KCNQ3: variants seen among roughly 807,000 people sequenced by gnomAD.
The protein encoded by KCNQ3 is potassium voltage-gated channel subfamily Q member 3.
In KCNQ3, 30 loss-of-function variants were observed where a neutral mutation model predicts 92.5. That is an observed-to-expected ratio of 0.32 (90% CI 0.24 to 0.44). The LOEUF is 0.44. Among genes scored for constraint, KCNQ3 ranks in the 20% least tolerant of loss-of-function variants. The probability of loss-of-function intolerance (pLI) is 1.00; values close to 1 mark genes in which losing one functional copy is unlikely to be tolerated. For missense variants in KCNQ3, 913 were observed against 1,140.3 expected (o/e 0.80, Z 2.87); for synonymous variants, 450 against 468.8 (o/e 0.96, Z 0.52).
At chr8:132,226,505 G>C (rs1814425421) in intron 1 of KCNQ3, among the ~76,000 whole-genome samples, 2 of 152,164 alleles carry the variant, frequency 1.3e-5, no homozygotes, top group South Asian at 4.1e-4. Flanking sequence ...AAATTGACAA[G>C]TAGCCAAGGT....
chr8:132,376,053 G>A (rs1160243933), intron 1 of KCNQ3, among the ~76,000 whole-genome samples: 2 of 152,104 alleles, frequency 1.3e-5, no homozygotes, highest in African/African-American at 4.8e-5. Flanking sequence ...GGCCCTCATG[G>A]AACATGCATG....
At chr8:132,189,485 G>A (rs971184835) in intron 1 of KCNQ3, among the ~76,000 whole-genome samples, 4 of 152,168 alleles carry the variant, frequency 2.6e-5, no homozygotes, top group Admixed American at 1.3e-4. Context: ...TGAGGTAGAA[G>A]TTGCAACCCT....
intron 1 of KCNQ3, among the ~76,000 whole-genome samples, chr8:132,216,079 T>C (rs1364453750): frequency 6.6e-6 from 1 of 152,136 alleles, no homozygotes; most frequent in Non-Finnish European, 1.5e-5. Flanking sequence ...CCTCTCATAA[T>C]ATATCAGGAG....
At chr8:132,173,598 C>T (rs1331792232) in intron 6 of KCNQ3, among the ~76,000 whole-genome samples, 1 of 152,076 alleles carries the variant, frequency 6.6e-6, no homozygotes, top group Non-Finnish European at 1.5e-5. Context: ...ATAAAAACAG[C>T]ACCCGACCCA....
At position 132,128,917 on chromosome 8, in the gene KCNQ3, G is replaced by C. The variant is rs993645446; in HGVS notation, c.*345C>G. Reference sequence around the variant, plus strand: ...GCTTACCAAACCAAAACCCAAACCAGCCAACCAAACAGACAAATAGCATGG... The same window carrying C: ...GCTTACCAAACCAAAACCCAAACCACCCAACCAAACAGACAAATAGCATGG... On this transcript the variant is annotated 3_prime_UTR_variant, in exon 15 of 15. Coordinates refer to ENST00000388996, the MANE Select transcript of KCNQ3 (RefSeq NM_004519.4). 2 of 261,600 alleles carry C rather than the reference G, an allele frequency of 7.6e-6. No individual in the cohort carries two copies. Among genetic ancestry groups the C allele is most frequent in the African/African-American group, 4.3e-5 (2 of 46,280 alleles). The allele number at this position is 261,600 out of a possible 1,614,324, so 16.2% of individuals were successfully genotyped here. A position where few individuals can be genotyped will look rare whatever the true frequency, so the allele number is the denominator to read the frequency against.
intron 1 of KCNQ3, among the ~76,000 whole-genome samples, chr8:132,478,362 T>C (rs1822461823): frequency 1.3e-5 from 2 of 151,906 alleles, no homozygotes; most frequent in African/African-American, 4.8e-5. Context: ...GACCCCCAGG[T>C]TTTTCAGTCA....
chr8:132,464,294 G>A (rs368936712), intron 1 of KCNQ3, among the ~76,000 whole-genome samples: 4 of 152,256 alleles, frequency 2.6e-5, no homozygotes, highest in African/African-American at 7.2e-5. Flanking sequence ...AAGGTTACTG[G>A]TTAAACAATG....
intron 1 of KCNQ3, among the ~76,000 whole-genome samples, chr8:132,240,546 A>G (rs1814962887): frequency 6.6e-6 from 1 of 152,162 alleles, no homozygotes; most frequent in Admixed American, 6.5e-5. Context: ...TCCCCTGTGT[A>G]GTTATCCTAG....
intron 1 of KCNQ3, among the ~76,000 whole-genome samples, chr8:132,439,905 A>G (rs1207877555): frequency 6.6e-6 from 1 of 152,182 alleles, no homozygotes; most frequent in Non-Finnish European, 1.5e-5. Flanking sequence ...AGAAGTAGGA[A>G]ACTACAGTCA....
intron 3 of KCNQ3, 146 bp downstream of exon 3, chr8:132,184,095 C>A: frequency 2.0e-6 from 2 of 987,684 alleles, no homozygotes; most frequent in Admixed American, 1.8e-5. Flanking sequence ...GACACTGTCC[C>A]TTCTCATCGA....
chr8:132,247,099 T>C (rs1334493005), intron 1 of KCNQ3, among the ~76,000 whole-genome samples: 2 of 152,248 alleles, frequency 1.3e-5, no homozygotes, highest in Non-Finnish European at 2.9e-5. Context: ...CAGCATCCTG[T>C]GACTGCCTCA....
At chr8:132,358,011 A>C (rs1425010126) in intron 1 of KCNQ3, among the ~76,000 whole-genome samples, 1 of 152,294 alleles carries the variant, frequency 6.6e-6, no homozygotes, top group African/African-American at 2.4e-5. Flanking sequence ...CTTCCAGGGA[A>C]TTTGCTCCCT....
chr8:132,452,927 A>G (rs1435201691), intron 1 of KCNQ3, among the ~76,000 whole-genome samples: 1 of 152,224 alleles, frequency 6.6e-6, no homozygotes, highest in Non-Finnish European at 1.5e-5. Context: ...GAAGGGAGAC[A>G]AATCAGTAAA....
In KCNQ3 at chr8:132,130,015, T is replaced by C; in HGVS notation, c.1885-19A>G. Reference sequence around the variant, plus strand: ...CCTGAACCTGGAAAATCAAAGGAGCTGTGAATTACCACTTTCTCTGAGGGT... The same window carrying C: ...CCTGAACCTGGAAAATCAAAGGAGCCGTGAATTACCACTTTCTCTGAGGGT... On this transcript the variant is annotated intron_variant, in intron 14 of 14. Coordinates refer to ENST00000388996, the MANE Select transcript of KCNQ3 (RefSeq NM_004519.4). 1.9e-6 allele frequency: 3 copies of C among 1,611,866 alleles called. No individual in the cohort carries two copies. The highest frequency in any genetic ancestry group is 2.5e-6 in the Non-Finnish European group (3 of 1,179,960).
chr8:132,253,281 C>G (rs762444064), intron 1 of KCNQ3, among the ~76,000 whole-genome samples: 1 of 152,202 alleles, frequency 6.6e-6, no homozygotes, highest in Non-Finnish European at 1.5e-5. Flanking sequence ...ACTCCTGGCT[C>G]TACATCTAGC....
chr8:132,458,274 G>A (rs1348219958), intron 1 of KCNQ3, among the ~76,000 whole-genome samples: 1 of 152,176 alleles, frequency 6.6e-6, no homozygotes, highest in Non-Finnish European at 1.5e-5. Context: ...GCTTCAGTTA[G>A]ACAAAATAAA....
chr8:132,383,413 G>C (rs755644866), intron 1 of KCNQ3, among the ~76,000 whole-genome samples: 5 of 152,210 alleles, frequency 3.3e-5, no homozygotes, highest in Non-Finnish European at 7.3e-5. Context: ...AGGGATCTGG[G>C]GCTGGGGGAG....
In KCNQ3 at chr8:132,177,590, G is replaced by A. The variant is rs56825656; in HGVS notation, c.778-1982C>T. Among the ~76,000 whole-genome samples, 1,187 of 152,282 alleles carry A rather than the reference G, an allele frequency of 7.8e-3. 18 individuals carry two copies. The highest frequency in any genetic ancestry group is 0.027 in the African/African-American group (1,112 of 41,550). On this transcript the variant is annotated intron_variant, in intron 4 of 14. Coordinates refer to ENST00000388996, the MANE Select transcript of KCNQ3 (RefSeq NM_004519.4). ...TCGGATACACTGTAAGCCAGAAGAC[G>A]TCTAGGTTTTTGTGCTGGGTGGTGG... is the stretch of plus-strand genomic sequence containing the variant.
chr8:132,411,416 CT>C (rs535128232), intron 1 of KCNQ3, among the ~76,000 whole-genome samples: 2 of 152,232 alleles, frequency 1.3e-5, no homozygotes, highest in South Asian at 4.2e-4. Context: ...TGCAATATGG[CT>C]TCTGCCAGCT....
Sources: gnomAD v4.1 joint callset for allele counts (sites outside exome capture counted in the v4.1 genomes callset) on GRCh38, gnomAD v4.1.1 for gene constraint, MANE v1.5 for transcripts, NCBI Gene and HGNC (gene_info 2026-07-23, HGNC 2026-07-21) for gene names.